Variants in ARHGAP27 observed in about 807,000 individuals in gnomAD.
The protein encoded by ARHGAP27 is Rho GTPase activating protein 27.
In ARHGAP27, 53 loss-of-function variants were observed where a neutral mutation model predicts 102.0. That is an observed-to-expected ratio of 0.52 (90% CI 0.42 to 0.65). The LOEUF (loss-of-function observed/expected upper bound fraction) is 0.65. ARHGAP27 is among the 30% of genes least tolerant of loss of function. The pLI, the probability that ARHGAP27 is intolerant of heterozygous loss-of-function variation, is 0.00. For missense variants in ARHGAP27, 1,117 were observed against 1,256.2 expected, an observed-to-expected ratio of 0.89 and a Z score of 1.68; for synonymous variants, 525 against 542.8, an observed-to-expected ratio of 0.97 and a Z score of 0.46.
chr17:45,416,684 A>T (rs2048492502), intron 4 of ARHGAP27, among the ~76,000 whole-genome samples: 1 of 151,116 alleles, frequency 6.6e-6, no homozygotes, highest in Non-Finnish European at 1.5e-5. Flanking sequence ...AGTAGCTGGG[A>T]TCACAGGCGC....
rs2049757127 is a variant in ARHGAP27, at chr17:45,427,752, C to G, written c.657+1871G>C. ...GGAGGTCACAAGTGGGGCCAGAGAG[C>G]TGCCTGTCTCTGGCCAATGTCCTAG... On this transcript the variant is annotated intron_variant, in intron 4 of 19. Coordinates refer to ENST00000685559, the MANE Select transcript of ARHGAP27 (RefSeq NM_001282290.2). The surrounding 1 kb of genome is among the most constrained non-coding windows in gnomAD (Gnocchi z 4.5). Among the ~76,000 whole-genome samples, 1 of 152,202 alleles carries G rather than the reference C, an allele frequency of 6.6e-6. No individual in the cohort carries two copies. The highest frequency in any genetic ancestry group is 1.5e-5 in the Non-Finnish European group (1 of 68,024).
intron 4 of ARHGAP27, among the ~76,000 whole-genome samples, chr17:45,421,696 A>C (rs1240551613): frequency 6.6e-6 from 1 of 152,182 alleles, no homozygotes; most frequent in East Asian, 1.9e-4. Flanking sequence ...GGAAAGTGTA[A>C]CAGGAAGAAA....
intron 4 of ARHGAP27, chr17:45,410,114 AG>A: frequency 1.4e-5 from 17 of 1,250,884 alleles, no homozygotes; most frequent in Non-Finnish European, 1.8e-5. Context: ...GAAAGAGAAA[AG>A]GAAGTATGAG....
chr17:45,397,139 G>A (rs1398423850), intron 13 of ARHGAP27, 115 bp from the exon 14 acceptor site: 10 of 1,494,776 alleles, frequency 6.7e-6, no homozygotes, highest in Middle Eastern at 2.3e-4. Context: ...GACCCTCAGC[G>A]AAGAGTCCTC....
Position 45,404,689 on chromosome 17 carries a change from G to T in ARHGAP27, c.1249-8C>A, listed in dbSNP as rs762667638. The T allele has an allele frequency of 5.0e-6, 8 of 1,608,378 alleles. No individual in the cohort carries two copies. Among genetic ancestry groups the T allele is most frequent in the Non-Finnish European group, 6.8e-6 (8 of 1,178,306 alleles). On this transcript the variant is annotated splice_region_variant and splice_polypyrimidine_tract_variant and intron_variant, in intron 6 of 19. Transcript: ENST00000685559. ...GTCCTCCAGCCTCACCCACTGTGGG[G>T]AGAGGAATGGTCAGGGCCTCCAGCC...
At chr17:45,428,276 G>A (rs1302078848) in intron 4 of ARHGAP27, among the ~76,000 whole-genome samples, 1 of 152,250 alleles carries the variant, frequency 6.6e-6, no homozygotes, top group African/African-American at 2.4e-5. Flanking sequence ...TGAAGGCGGC[G>A]GAGACCCAGG....
intron 4 of ARHGAP27, among the ~76,000 whole-genome samples, chr17:45,411,804 C>T (rs2047942745): frequency 6.6e-6 from 1 of 151,978 alleles, no homozygotes; most frequent in African/African-American, 2.4e-5. Context: ...CTCACACACA[C>T]ACACACACAC....
intron 4 of ARHGAP27, chr17:45,410,357 C>A: frequency 2.1e-6 from 3 of 1,406,584 alleles, no homozygotes; most frequent in Middle Eastern, 1.8e-4. Context: ...GGGGCACTAC[C>A]CCAGTGCTGG....
At chr17:45,408,176 C>A (rs2047455157) in intron 4 of ARHGAP27, 1 of 151,494 alleles carries the variant, frequency 6.6e-6, no homozygotes, top group Non-Finnish European at 1.5e-5. Context: ...GCAAACCAAA[C>A]CAAAACAATG....
intron 4 of ARHGAP27, among the ~76,000 whole-genome samples, chr17:45,418,772 G>A (rs1386350024): frequency 6.6e-6 from 1 of 152,084 alleles, no homozygotes; most frequent in Non-Finnish European, 1.5e-5. Context: ...GGGCAGGCTG[G>A]CCCATCATGG....
chr17:45,396,029 C>T lies in ARHGAP27; in HGVS notation c.2340G>A (p.Glu780=), dbSNP rs1294459477. The T allele has an allele frequency of 3.1e-6, 5 of 1,613,674 alleles. No individual in the cohort carries two copies. Among genetic ancestry groups the T allele is most frequent in the Admixed American group, 3.3e-5 (2 of 59,940 alleles). ...ALKLFFRELP[E]PLFPFSHFRQ... ...GGAAGTGCGAGAAGGGGAAGAGGGG[C>T]TCGGGCAGCTCCCGAAAGAAGAGCT... Residue 780 remains glutamate, a synonymous_variant, in exon 18 of 20, where the codon GAG becomes GAA. Coordinates refer to ENST00000685559, the MANE Select transcript of ARHGAP27 (RefSeq NM_001282290.2).
At chr17:45,397,891 C>A in intron 13 of ARHGAP27, 58 bp downstream of exon 13, 1 of 1,467,630 alleles carries the variant, frequency 6.8e-7, no homozygotes, top group Non-Finnish European at 9.4e-7. Flanking sequence ...AGCAGAGGGC[C>A]CCACTCATAA....
In ARHGAP27 at chr17:45,429,657, A is replaced by G; in HGVS notation, c.623T>C (p.Leu208Ser). The G allele has an allele frequency of 1.3e-6, 2 of 1,581,522 alleles. No homozygotes were observed. Among genetic ancestry groups the G allele is most frequent in the South Asian group, 1.1e-5 (1 of 87,528 alleles). ...SENVYEVIQDLHVPPPEESAE... is the reference protein window; with the variant it reads ...SENVYEVIQDSHVPPPEESAE... ...GCTCTCCTCCGGCGGCGGGACGTGC[A>G]AGTCCTGGATGACCTCGTAGACGTT... Residue 208 changes from leucine to serine, a missense_variant, in exon 4 of 20, where the codon TTG (leucine) becomes TCG (serine). By Grantham distance (145) the Leu-to-Ser change is moderately radical. Transcript: ENST00000685559.
intron 4 of ARHGAP27, among the ~76,000 whole-genome samples, chr17:45,417,645 T>G (rs1215702808): frequency 6.6e-6 from 1 of 151,720 alleles, no homozygotes; most frequent in East Asian, 1.9e-4. Context: ...CACTTGCTAC[T>G]CGGGAGGCTG....
chr17:45,428,594 C>T (rs1260701387), intron 4 of ARHGAP27, among the ~76,000 whole-genome samples: 2 of 152,192 alleles, frequency 1.3e-5, no homozygotes, highest in African/African-American at 4.8e-5. Flanking sequence ...GTCTGGGCAT[C>T]CCGGACTCAG....
At chr17:45,407,194 T>G (rs1406777314) in intron 4 of ARHGAP27, among the ~76,000 whole-genome samples, 2 of 152,154 alleles carry the variant, frequency 1.3e-5, no homozygotes, top group African/African-American at 4.8e-5. Flanking sequence ...GCCTTGAACT[T>G]TAAGCTCCAG....
chr17:45,410,240 G>T, intron 4 of ARHGAP27: 1 of 1,533,552 alleles, frequency 6.5e-7, no homozygotes. Flanking sequence ...ACCTGTGCCG[G>T]CAAGGCTCGA....
intron 10 of ARHGAP27, 62 bp from the exon 11 acceptor site, chr17:45,403,771 C>G: frequency 7.1e-7 from 1 of 1,405,432 alleles, no homozygotes; most frequent in South Asian, 1.2e-5. Context: ...CTGAGGGCCC[C>G]TCCTACCCCA....
At chr17:45,397,234 G>T in intron 13 of ARHGAP27, 2 of 1,423,242 alleles carry the variant, frequency 1.4e-6, no homozygotes, top group Middle Eastern at 2.6e-4. Context: ...GAGCCCTTAA[G>T]GTGCAGAGAC....
Sources: gnomAD v4.1 joint callset for allele counts (sites outside exome capture counted in the v4.1 genomes callset) on GRCh38, gnomAD v4.1.1 for gene constraint, Gnocchi (gnomAD v3.1) non-coding constraint, MANE v1.5 for transcripts, NCBI Gene and HGNC (gene_info 2026-07-23, HGNC 2026-07-21) for gene names.